OCA2: variants seen among roughly 807,000 people sequenced by gnomAD.
OCA2 encodes the protein OCA2 melanosomal transmembrane protein.
OCA2 carries 77 observed loss-of-function variants against 100.2 expected under a neutral mutation model. That is an observed-to-expected ratio of 0.77 (90% CI 0.64 to 0.93). OCA2 has a LOEUF of 0.93. Ranked by LOEUF, OCA2 falls within the 40% of genes least tolerant of loss-of-function variation. The pLI is 0.00. For synonymous variants in OCA2, 432 were observed against 439.2 expected, an observed-to-expected ratio of 0.98 and a Z score of 0.21; for missense variants, 1,062 against 1,089.1, an observed-to-expected ratio of 0.98 and a Z score of 0.35.
chr15:28,051,227 T>C (rs926651177), intron 2 of OCA2, among the ~76,000 whole-genome samples: 4 of 152,244 alleles, frequency 2.6e-5, no homozygotes, highest in African/African-American at 9.6e-5. Context: ...CTGTGCAGTA[T>C]GCTATGCTTC....
intron 16 of OCA2, among the ~76,000 whole-genome samples, chr15:27,955,711 AG>A (rs35556108): frequency 0.14 from 21,027 of 152,058 alleles, 3,164 homozygotes; most frequent in East Asian, 0.85. Flanking sequence ...CTGAAATCCT[AG>A]GACTTTGGGG....
At chr15:27,910,991 G>T (rs1027522107) in intron 19 of OCA2, among the ~76,000 whole-genome samples, 12 of 151,856 alleles carry the variant, frequency 7.9e-5, no homozygotes, top group African/African-American at 2.9e-4. Context: ...GAAAAGAAAA[G>T]AAATACAAGA....
chr15:27,986,706 A>G lies in OCA2; in HGVS notation c.1183-63T>C. The G allele has an allele frequency of 5.6e-6, 6 of 1,071,510 alleles. No homozygotes were observed. In the Middle Eastern group the frequency reaches 9.9e-4, roughly 178 times the overall value. The allele number at this position is 1,071,510 out of a possible 1,614,324, so 66.4% of individuals were successfully genotyped here. A position where few individuals can be genotyped will look rare whatever the true frequency, so the allele number is the denominator to read the frequency against. On this transcript the variant is annotated intron_variant, in intron 11 of 23. Coordinates refer to ENST00000354638, the MANE Select transcript of OCA2 (RefSeq NM_000275.3). ...CAGGACACCATATTAAAACGACATC[A>G]GCATGATCCCTTACACATTTGAGCT...
intron 9 of OCA2, among the ~76,000 whole-genome samples, chr15:27,993,443 T>G (rs777303499): frequency 1.3e-5 from 2 of 152,182 alleles, no homozygotes; most frequent in African/African-American, 2.4e-5. Context: ...CCTTGTTTGC[T>G]CATTTGTAAA....
intron 13 of OCA2, 110 bp from the exon 14 acceptor site, chr15:27,983,593 A>G: frequency 1.8e-6 from 2 of 1,126,078 alleles, no homozygotes; most frequent in Middle Eastern, 2.2e-4. Flanking sequence ...AGGCGCGCAC[A>G]CACACACACC....
intron 19 of OCA2, among the ~76,000 whole-genome samples, chr15:27,911,944 T>C (rs2038413253): frequency 6.6e-6 from 1 of 152,084 alleles, no homozygotes; most frequent in African/African-American, 2.4e-5. Flanking sequence ...CAAAAAGAAG[T>C]CTACACAAAT....
chr15:27,781,694 G>C (rs185378599), intron 23 of OCA2, among the ~76,000 whole-genome samples: 29 of 151,858 alleles, frequency 1.9e-4, no homozygotes, highest in African/African-American at 6.5e-4. Flanking sequence ...TTACTCTCTG[G>C]TAAATTTACC....
chr15:28,012,647 G>GT (rs1048954077), intron 9 of OCA2, among the ~76,000 whole-genome samples: 7 of 152,100 alleles, frequency 4.6e-5, no homozygotes, highest in Admixed American at 3.3e-4. Context: ...AGAAGGAGAG[G>GT]TTTTTTCTAA....
chr15:27,847,734 T>G (rs1427026838), intron 22 of OCA2, among the ~76,000 whole-genome samples: 1 of 152,222 alleles, frequency 6.6e-6, no homozygotes, highest in Non-Finnish European at 1.5e-5. Flanking sequence ...TCTCAAACCT[T>G]CTAAGCTCTG....
At chr15:27,865,283 T>A (rs959179693) in intron 21 of OCA2, among the ~76,000 whole-genome samples, 2 of 152,176 alleles carry the variant, frequency 1.3e-5, no homozygotes, top group Non-Finnish European at 2.9e-5. Context: ...CCTGCATTCA[T>A]GTCACTGGAG....
At chr15:27,790,015 G>A (rs1431139672) in intron 23 of OCA2, among the ~76,000 whole-genome samples, 1 of 152,060 alleles carries the variant, frequency 6.6e-6, no homozygotes, top group Non-Finnish European at 1.5e-5. Flanking sequence ...TGAGACTCAG[G>A]AAAATTTTTC....
chr15:28,088,708 G>A (rs2044821380), intron 1 of OCA2, among the ~76,000 whole-genome samples: 1 of 152,130 alleles, frequency 6.6e-6, no homozygotes, highest in African/African-American at 2.4e-5. Context: ...AAAAGGGGAG[G>A]GAGTACATGA....
At chr15:28,036,821 G>A (rs2043057748) in intron 2 of OCA2, among the ~76,000 whole-genome samples, 2 of 152,174 alleles carry the variant, frequency 1.3e-5, no homozygotes, top group Non-Finnish European at 1.5e-5. Flanking sequence ...GCTTGGGGAG[G>A]TGGTGATTGG....
intron 9 of OCA2, among the ~76,000 whole-genome samples, chr15:27,996,781 G>A (rs1425701028): frequency 6.6e-6 from 1 of 151,934 alleles, no homozygotes; most frequent in Non-Finnish European, 1.5e-5. Flanking sequence ...TAAGAAGTAA[G>A]AAGATTGAAG....
the OCA2 span, among the ~76,000 whole-genome samples, chr15:27,736,717 T>C: frequency 6.6e-6 from 1 of 152,022 alleles, no homozygotes; most frequent in Non-Finnish European, 1.5e-5. Context: ...TCCTGTAAAA[T>C]CCTCCCCAGA....
At chr15:28,037,337 G>A (rs1372062188) in intron 2 of OCA2, among the ~76,000 whole-genome samples, 1 of 152,046 alleles carries the variant, frequency 6.6e-6, no homozygotes, top group Non-Finnish European at 1.5e-5. Flanking sequence ...CCCAGTGGTT[G>A]GTAACATTGG....
chr15:28,017,921 T>C (rs2042450633), intron 7 of OCA2, among the ~76,000 whole-genome samples: 2 of 152,048 alleles, frequency 1.3e-5, no homozygotes, highest in Admixed American at 1.3e-4. Flanking sequence ...CTTTGCAGGA[T>C]GTGAATGAAG....
chr15:27,839,109 T>C (rs917934453), intron 23 of OCA2, among the ~76,000 whole-genome samples: 1 of 152,142 alleles, frequency 6.6e-6, no homozygotes, highest in African/African-American at 2.4e-5. Context: ...TTATCAGTGG[T>C]CATTTAGGCA....
intron 11 of OCA2, among the ~76,000 whole-genome samples, chr15:27,987,965 A>C (rs753251930): frequency 5.9e-5 from 9 of 152,230 alleles, no homozygotes; most frequent in Non-Finnish European, 1.3e-4. Context: ...CACCATGTCC[A>C]GAGTGACCAT....
Sources: allele counts gnomAD v4.1 joint callset (sites outside exome capture counted in the v4.1 genomes callset), GRCh38; gene constraint gnomAD v4.1.1; transcripts MANE v1.5; gene names NCBI Gene and HGNC (gene_info 2026-07-23, HGNC 2026-07-21).